The following CNTN5 variants were observed in gnomAD, a reference collection of about 807,000 sequenced individuals.
CNTN5 encodes the protein contactin 5, also known as contactin-5.
In CNTN5, 77 loss-of-function variants were observed where a neutral mutation model predicts 129.1. The observed-to-expected ratio is 0.60, with a 90% CI of 0.50 to 0.72. The LOEUF (loss-of-function observed/expected upper bound fraction) is 0.72. Ranked by LOEUF, CNTN5 falls within the 30% of genes least tolerant of loss-of-function variation. CNTN5 has a pLI of 0.00. For synonymous variants in CNTN5, 509 were observed against 465.6 expected (o/e 1.09, Z -1.20); for missense variants, 1,478 against 1,328.8 (o/e 1.11, Z -1.75).
At chr11:99,301,899 A>G (rs955001643) in intron 1 of CNTN5, among the ~76,000 whole-genome samples, 4 of 151,770 alleles carry the variant, frequency 2.6e-5, no homozygotes, top group African/African-American at 4.8e-5. Flanking sequence ...ACACAATGTA[A>G]TTAAATTAAA....
intron 10 of CNTN5, among the ~76,000 whole-genome samples, chr11:100,067,831 C>CAA (rs34509271): frequency 6.8e-6 from 1 of 147,576 alleles, no homozygotes; most frequent in African/African-American, 2.5e-5. Context: ...TAATGGTATC[C>CAA]AAAAAAAAAA....
intron 2 of CNTN5, among the ~76,000 whole-genome samples, chr11:99,490,225 T>C (rs1945982150): frequency 6.6e-6 from 1 of 152,208 alleles, no homozygotes; most frequent in Admixed American, 6.5e-5. Context: ...ATTTGACAAT[T>C]ATTCAGACAA....
intron 3 of CNTN5, among the ~76,000 whole-genome samples, chr11:99,724,045 G>A (rs1284385447): frequency 6.6e-6 from 1 of 152,074 alleles, no homozygotes; most frequent in Non-Finnish European, 1.5e-5. Flanking sequence ...GGCTTATCTT[G>A]TTCTACCTTA....
chr11:99,126,534 G>C (rs1858642432), intron 1 of CNTN5, among the ~76,000 whole-genome samples: 1 of 152,134 alleles, frequency 6.6e-6, no homozygotes, highest in South Asian at 2.1e-4. Flanking sequence ...CTCTCTCTTT[G>C]GTCCAAGCAG....
At chr11:99,069,150 T>C (rs937052469) in intron 1 of CNTN5, among the ~76,000 whole-genome samples, 1 of 152,084 alleles carries the variant, frequency 6.6e-6, no homozygotes, top group Non-Finnish European at 1.5e-5. Context: ...TTTTCCAGAG[T>C]TGATCCTCTG....
chr11:99,219,573 G>T lies in CNTN5; in HGVS notation c.-209-105773G>T, dbSNP rs190847595. On this transcript the variant is annotated intron_variant, in intron 1 of 24. Transcript: ENST00000524871. ...TTGGTGTTTATAGAATGATATCAGA[G>T]ATGAGGTTTAGAGGTGATGGAGAGC... Among the ~76,000 whole-genome samples, 80 of 151,720 alleles carry T rather than the reference G, an allele frequency of 5.3e-4. 1 individual carries two copies. The highest frequency in any genetic ancestry group is 2.9e-4 in the Non-Finnish European group (20 of 67,836).
intron 2 of CNTN5, among the ~76,000 whole-genome samples, chr11:99,546,298 C>CATT (rs1460061275): frequency 6.6e-6 from 1 of 152,096 alleles, no homozygotes; most frequent in Admixed American, 6.6e-5. Context: ...CCACAAAGAC[C>CATT]ATTAGCAGGC....
At chr11:99,774,672 G>A (rs1369125506) in intron 3 of CNTN5, among the ~76,000 whole-genome samples, 1 of 151,808 alleles carries the variant, frequency 6.6e-6, no homozygotes, top group Non-Finnish European at 1.5e-5. Flanking sequence ...TCCCGTTGTT[G>A]CCTCCAGTTA....
intron 3 of CNTN5, among the ~76,000 whole-genome samples, chr11:99,701,371 T>C (rs1034870265): frequency 6.6e-6 from 1 of 151,184 alleles, no homozygotes; most frequent in Admixed American, 6.6e-5. Flanking sequence ...ATTATTGATA[T>C]AACCATCTAT....
intron 2 of CNTN5, among the ~76,000 whole-genome samples, chr11:99,387,701 A>G (rs972404537): frequency 1.3e-5 from 2 of 151,976 alleles, no homozygotes; most frequent in African/African-American, 4.8e-5. Context: ...CCCCTGCCAC[A>G]AGGACCCTCT....
At chr11:99,368,248 G>T (rs1442423781) in intron 2 of CNTN5, among the ~76,000 whole-genome samples, 1 of 151,736 alleles carries the variant, frequency 6.6e-6, no homozygotes, top group Middle Eastern at 3.2e-3. Context: ...TTTTTATTAG[G>T]TTATTCTAGA....
chr11:100,115,177 C>T (rs931313388), intron 13 of CNTN5, among the ~76,000 whole-genome samples: 1 of 144,798 alleles, frequency 6.9e-6, no homozygotes, highest in African/African-American at 2.6e-5. Context: ...GTGGCATAAA[C>T]CTGGTTGCAT....
At chr11:99,738,616 C>CAT (rs1555093398) in intron 3 of CNTN5, among the ~76,000 whole-genome samples, 2 of 143,210 alleles carry the variant, frequency 1.4e-5, no homozygotes, top group Admixed American at 7.2e-5. Context: ...AAGACAGTAA[C>CAT]GTGTGTGTGT....
chr11:99,823,145 G>A (rs535240625), intron 4 of CNTN5, among the ~76,000 whole-genome samples: 2 of 152,342 alleles, frequency 1.3e-5, no homozygotes, highest in Admixed American at 1.3e-4. Flanking sequence ...CACAGAGCAA[G>A]GGTTGAGCCA....
chr11:99,158,614 T>G (rs1167953169), intron 1 of CNTN5, among the ~76,000 whole-genome samples: 1 of 152,110 alleles, frequency 6.6e-6, no homozygotes, highest in Non-Finnish European at 1.5e-5. Context: ...GAACGCGAGG[T>G]ACCTAAGAAA....
chr11:99,902,242 G>GTTT (rs35494270), intron 6 of CNTN5, among the ~76,000 whole-genome samples: 6 of 143,712 alleles, frequency 4.2e-5, no homozygotes, highest in African/African-American at 1.0e-4. Context: ...AAGCTAAGGA[G>GTTT]TTTTTTTTTT....
chr11:100,210,776 T>C (rs978855536), intron 15 of CNTN5, among the ~76,000 whole-genome samples: 2 of 152,302 alleles, frequency 1.3e-5, no homozygotes, highest in African/African-American at 4.8e-5. Context: ...CAAGAAACCT[T>C]TCAAGAATGT....
At chr11:99,890,374 C>T (rs1050521991) in intron 6 of CNTN5, among the ~76,000 whole-genome samples, 3 of 151,862 alleles carry the variant, frequency 2.0e-5, no homozygotes, top group Non-Finnish European at 2.9e-5. Context: ...TATATTCCTT[C>T]TCTCTCTTCC....
intron 1 of CNTN5, among the ~76,000 whole-genome samples, chr11:99,324,304 G>T (rs181114395): frequency 1.9e-3 from 293 of 152,134 alleles, no homozygotes; most frequent in African/African-American, 6.7e-3. Flanking sequence ...TCACTCTGAG[G>T]TTATCAATCT....
Sources: gnomAD v4.1 joint callset for allele counts (sites outside exome capture counted in the v4.1 genomes callset) on GRCh38, gnomAD v4.1.1 for gene constraint, MANE v1.5 for transcripts, NCBI Gene and HGNC (gene_info 2026-07-23, HGNC 2026-07-21) for gene names.